IPPK: variants seen among roughly 807,000 people sequenced by gnomAD.
The protein encoded by IPPK is inositol-pentakisphosphate 2-kinase.
Under a neutral mutation model 64.6 loss-of-function variants are expected in IPPK, and 22 were observed. The ratio of observed to expected loss-of-function variants is 0.34; its 90% CI spans 0.24 to 0.49. The LOEUF is 0.49. Ranked by LOEUF, IPPK falls within the 20% of genes least tolerant of loss-of-function variation. The probability of loss-of-function intolerance (pLI) is 0.99; values close to 1 mark genes in which losing one functional copy is unlikely to be tolerated. For missense variants in IPPK, 532 were observed against 630.7 expected (o/e 0.84, Z 1.68); for synonymous variants, 262 against 247.2 (o/e 1.06, Z -0.56).
intron 12 of IPPK, chr9:92,619,224 G>GT (rs1851544403): frequency 2.3e-6 from 1 of 432,750 alleles, no homozygotes; most frequent in Non-Finnish European, 4.3e-6. Context: ...GCTCTTGGGA[G>GT]TATTTTCTTA....
intron 11 of IPPK, among the ~76,000 whole-genome samples, chr9:92,623,169 T>C (rs1851673415): frequency 6.6e-6 from 1 of 152,090 alleles, no homozygotes; most frequent in South Asian, 2.1e-4. Flanking sequence ...GCACAATGAC[T>C]CACACCTGTA....
In IPPK at chr9:92,638,078, G is replaced by A. The variant is rs1851977458; in HGVS notation, c.839C>T (p.Thr280Ile). Reference sequence around the variant, plus strand: ...CTGAGGCCCGAGCCCCGGACTCAGGGTGCCTGCCCGGCCCTTGTCCGAGCC... The same window carrying A: ...CTGAGGCCCGAGCCCCGGACTCAGGATGCCTGCCCGGCCCTTGTCCGAGCC... ...LSGSDKGRAG[T>I]LSPGLGPQGP... Residue 280 changes from threonine (T) to isoleucine (I), a missense_variant, in exon 9 of 13, where the codon ACC becomes ATC. Thr to Ile is a moderately conservative substitution (Grantham distance 89). Coordinates refer to ENST00000287996, the MANE Select transcript of IPPK (RefSeq NM_022755.6). The A allele has an allele frequency of 3.7e-6, 6 of 1,612,426 alleles. No homozygotes were observed. The highest frequency in any genetic ancestry group is 1.7e-6 in the Non-Finnish European group (2 of 1,179,492).
At chr9:92,663,742 C>T (rs986369651) in intron 1 of IPPK, among the ~76,000 whole-genome samples, 4 of 152,228 alleles carry the variant, frequency 2.6e-5, no homozygotes, top group Non-Finnish European at 4.4e-5. Flanking sequence ...ACTTTCCCGC[C>T]ACCCACAGAG....
chr9:92,666,413 G>GC (rs957245175), intron 1 of IPPK, among the ~76,000 whole-genome samples: 11 of 152,314 alleles, frequency 7.2e-5, no homozygotes, highest in African/African-American at 2.4e-4. Context: ...GCATAAAGGG[G>GC]CAACCTGTGG....
At chr9:92,637,473 G>A (rs1176288824) in intron 9 of IPPK, among the ~76,000 whole-genome samples, 1 of 152,220 alleles carries the variant, frequency 6.6e-6, no homozygotes, top group East Asian at 1.9e-4. Context: ...CAGCTCATGA[G>A]ATGTCAGGAC....
intron 1 of IPPK, 31 bp from the exon 2 acceptor site, chr9:92,658,712 A>C: frequency 3.1e-6 from 5 of 1,608,078 alleles, no homozygotes; most frequent in Non-Finnish European, 4.3e-6. Flanking sequence ...TCTGATTAGT[A>C]TTTGCTCAAA....
intron 2 of IPPK, among the ~76,000 whole-genome samples, chr9:92,657,677 G>A (rs1852400454): frequency 2.6e-5 from 4 of 152,168 alleles, no homozygotes; most frequent in Admixed American, 2.6e-4. Flanking sequence ...TTCAGCAGCT[G>A]AGGCAGAAAC....
chr9:92,649,154 G>A (rs1201904053), intron 5 of IPPK, among the ~76,000 whole-genome samples: 2 of 152,192 alleles, frequency 1.3e-5, no homozygotes, highest in African/African-American at 2.4e-5. Flanking sequence ...GGGACCCAAC[G>A]CGCTTCCCTC....
At chr9:92,630,252 A>G (rs1369106451) in intron 11 of IPPK, among the ~76,000 whole-genome samples, 1 of 152,244 alleles carries the variant, frequency 6.6e-6, no homozygotes. Flanking sequence ...CCTTGAAGAC[A>G]TCAGGCTAAG....
At chr9:92,640,850 G>T in intron 7 of IPPK, 68 bp from the exon 8 acceptor site, 2 of 1,096,604 alleles carry the variant, frequency 1.8e-6, no homozygotes, top group Non-Finnish European at 2.8e-6. Flanking sequence ...ACACACACCT[G>T]CTCGTGGCTC....
chr9:92,665,345 G>A (rs1852572975), intron 1 of IPPK, among the ~76,000 whole-genome samples: 2 of 152,208 alleles, frequency 1.3e-5, no homozygotes. Context: ...TCCACAGTAG[G>A]AAGTATGGCC....
Position 92,615,933 on chromosome 9 carries a change from C to T in IPPK, c.1375G>A (p.Val459Ile), listed in dbSNP as rs768887403. The change falls in exon 13 of 13, where the codon GTC becomes ATC. Residue 459 changes from valine (V) to isoleucine (I), a missense_variant. Physicochemically the swap from Val to Ile is conservative, Grantham distance 29. Coordinates refer to ENST00000287996, the MANE Select transcript of IPPK (RefSeq NM_022755.6). ...PHQYKLDGKI[V>I]NYYSKTVRAK... is the part of the protein sequence containing the mutation. ...CGTACAGTCTTTGAATAATAGTTGA[C>T]GATCTTGCCGTCCAGTTTATACTGA... 6.6e-5 allele frequency: 106 copies of T among 1,614,006 alleles called. No homozygotes were observed. The highest frequency in any genetic ancestry group is 3.8e-4 in the Admixed American group (23 of 60,002).
intron 1 of IPPK, among the ~76,000 whole-genome samples, chr9:92,668,377 C>A (rs1852647567): frequency 6.6e-6 from 1 of 152,216 alleles, no homozygotes; most frequent in South Asian, 2.1e-4. Flanking sequence ...TGGACACATA[C>A]TTGTCTGGAA....
chr9:92,634,716 T>C (rs1237093915), intron 10 of IPPK, among the ~76,000 whole-genome samples: 3 of 152,148 alleles, frequency 2.0e-5, no homozygotes, highest in African/African-American at 4.8e-5. Flanking sequence ...TCATGACAAG[T>C]AGCATCCTGC....
At chr9:92,640,243 C>T (rs550138013) in intron 8 of IPPK, among the ~76,000 whole-genome samples, 127 of 152,230 alleles carry the variant, frequency 8.3e-4, no homozygotes, top group Non-Finnish European at 1.6e-3. Flanking sequence ...CCCTACATCT[C>T]ATCCCCTCTC....
chr9:92,649,912 G>A (rs1852227507), intron 4 of IPPK, among the ~76,000 whole-genome samples: 1 of 151,856 alleles, frequency 6.6e-6, no homozygotes, highest in East Asian at 1.9e-4. Context: ...TACAGTCCCA[G>A]CTACTCGGGA....
chr9:92,643,468 G>A (rs1852090505), intron 6 of IPPK, among the ~76,000 whole-genome samples: 1 of 152,020 alleles, frequency 6.6e-6, no homozygotes, highest in Non-Finnish European at 1.5e-5. Flanking sequence ...TTTATTGAAT[G>A]AAGAAATGCA....
At chr9:92,648,004 G>A (rs1390843936) in intron 6 of IPPK, 55 bp downstream of exon 6, 1 of 1,249,644 alleles carries the variant, frequency 8.0e-7, no homozygotes, top group Non-Finnish European at 1.2e-6. Context: ...CCATGCCTCA[G>A]CCCAGATCCC....
chr9:92,622,384 T>G (rs147701388), intron 11 of IPPK, among the ~76,000 whole-genome samples: 89 of 152,248 alleles, frequency 5.8e-4, no homozygotes, highest in African/African-American at 1.9e-3. Flanking sequence ...TACGATTACA[T>G]ATAAAGAAAA....
Sources: gnomAD v4.1 joint callset for allele counts (sites outside exome capture counted in the v4.1 genomes callset) on GRCh38, gnomAD v4.1.1 for gene constraint, MANE v1.5 for transcripts, NCBI Gene and HGNC (gene_info 2026-07-23, HGNC 2026-07-21) for gene names.